RNF216: variants seen among roughly 807,000 people sequenced by gnomAD.
RNF216 encodes the protein ring finger protein 216.
RNF216 carries 72 observed loss-of-function variants against 110.8 expected under a neutral mutation model. The observed-to-expected ratio is 0.65, with a 90% CI of 0.54 to 0.79. The LOEUF is 0.79. Ranked by LOEUF, RNF216 falls within the 30% of genes least tolerant of loss-of-function variation. The pLI is 0.00. For synonymous variants in RNF216, 495 were observed against 407.5 expected (o/e 1.21, Z -2.59); for missense variants, 1,342 against 1,141.2 (o/e 1.18, Z -2.54).
intron 9 of RNF216, among the ~76,000 whole-genome samples, chr7:5,720,503 T>C (rs951103673): frequency 6.6e-6 from 1 of 152,176 alleles, no homozygotes; most frequent in Non-Finnish European, 1.5e-5. Flanking sequence ...CAGTGAAGTT[T>C]TGGGGCAGTC....
At position 5,741,185 on chromosome 7, in the gene RNF216, C is replaced by T. The variant is rs1562450421; in HGVS notation, c.832G>A (p.Glu278Lys). 6.2e-7 allele frequency: 1 copy of T among 1,614,112 alleles called. No individual in the cohort carries two copies. Among genetic ancestry groups the T allele is most frequent in the Non-Finnish European group, 8.5e-7 (1 of 1,180,024 alleles). The change falls in exon 4 of 17, where the codon GAA becomes AAA. Residue 278 changes from glutamate (E) to lysine (K), a missense_variant. By Grantham distance (56) the Glu-to-Lys change is moderately conservative. Transcript: ENST00000389902. The part of the protein sequence containing the change: ...EFPGPAFPRP[E>K]PQQGGISGPS... ...CCTGAAATCCCACCTTGCTGGGGTTCCGGCCTTGGAAAAGCGGGCCCTGGG... is the reference window on the plus strand; with the variant it reads ...CCTGAAATCCCACCTTGCTGGGGTTTCGGCCTTGGAAAAGCGGGCCCTGGG...
chr7:5,693,276 T>C (rs568729191), intron 13 of RNF216, among the ~76,000 whole-genome samples: 3 of 152,324 alleles, frequency 2.0e-5, no homozygotes, highest in Non-Finnish European at 4.4e-5. Flanking sequence ...AGATACCATA[T>C]GGTCCGCAAA....
At chr7:5,684,367 A>G (rs1346327418) in intron 13 of RNF216, among the ~76,000 whole-genome samples, 1 of 152,068 alleles carries the variant, frequency 6.6e-6, no homozygotes, top group Admixed American at 6.5e-5. Flanking sequence ...TTGGCCTCCC[A>G]AAGTCCTGGG....
At chr7:5,657,436 G>A (rs1225656948) in intron 13 of RNF216, among the ~76,000 whole-genome samples, 1 of 152,064 alleles carries the variant, frequency 6.6e-6, no homozygotes, top group African/African-American at 2.4e-5. Flanking sequence ...GCGTGGTGGC[G>A]CATGCCTATA....
At chr7:5,748,131 C>T (rs1030267491) in intron 3 of RNF216, among the ~76,000 whole-genome samples, 5 of 152,156 alleles carry the variant, frequency 3.3e-5, no homozygotes, top group Non-Finnish European at 5.9e-5. Flanking sequence ...AAACCCACTA[C>T]AACTCTTAAC....
At chr7:5,661,199 C>G (rs1789114962) in intron 13 of RNF216, among the ~76,000 whole-genome samples, 1 of 152,142 alleles carries the variant, frequency 6.6e-6, no homozygotes, top group African/African-American at 2.4e-5. Context: ...CTCGGCCTCC[C>G]AAAGTGCTGG....
rs1179469369 is a variant in RNF216 at position 5,620,057 on chromosome 7, CACAA to C, written c.*2799_*2802del. On this transcript the variant is annotated 3_prime_UTR_variant, in exon 17 of 17. Coordinates refer to ENST00000389902, the MANE Select transcript of RNF216 (RefSeq NM_207111.4). ...AGACGAAGCTGGAGGGAGCAGAGCG[CACAA>C]ACATTTATTTACAAAAGTCCCAGTT... 2 of 152,234 alleles carry C rather than the reference CACAA, an allele frequency of 1.3e-5. No individual in the cohort carries two copies. Among genetic ancestry groups the C allele is most frequent in the African/African-American group, 4.8e-5 (2 of 41,460 alleles). 9.4% of individuals were successfully genotyped at this position (152,234 alleles called of 1,614,324 possible). A position where few individuals can be genotyped will look rare whatever the true frequency, so the allele number is the denominator to read the frequency against.
At chr7:5,701,964 C>A (rs1033418184) in intron 13 of RNF216, among the ~76,000 whole-genome samples, 3 of 152,310 alleles carry the variant, frequency 2.0e-5, no homozygotes, top group Admixed American at 1.3e-4. Context: ...CCCAGGAAGG[C>A]AGCTCAGGAC....
chr7:5,647,189 G>A (rs1788101614), intron 14 of RNF216, among the ~76,000 whole-genome samples: 1 of 151,732 alleles, frequency 6.6e-6, no homozygotes, highest in African/African-American at 2.4e-5. Flanking sequence ...GTGGGAGATA[G>A]GAGTTTTTGG....
intron 13 of RNF216, among the ~76,000 whole-genome samples, chr7:5,654,140 A>T (rs184654980): frequency 1.3e-5 from 2 of 152,214 alleles, no homozygotes; most frequent in East Asian, 3.8e-4. Context: ...CACTCAGGAG[A>T]GAGGCCATGA....
chr7:5,712,194 TAC>T (rs1792746757), intron 12 of RNF216, among the ~76,000 whole-genome samples: 1 of 152,226 alleles, frequency 6.6e-6, no homozygotes, highest in Non-Finnish European at 1.5e-5. Flanking sequence ...AAGTTTGAGC[TAC>T]AGTCTGGGCG....
intron 1 of RNF216, among the ~76,000 whole-genome samples, chr7:5,772,525 T>C (rs1217854437): frequency 6.6e-6 from 1 of 152,050 alleles, no homozygotes; most frequent in Non-Finnish European, 1.5e-5. Flanking sequence ...AATCCTTTCC[T>C]TCCTCTCTGA....
chr7:5,667,289 G>A (rs1789592105), intron 13 of RNF216, among the ~76,000 whole-genome samples: 1 of 152,112 alleles, frequency 6.6e-6, no homozygotes, highest in Non-Finnish European at 1.5e-5. Context: ...TGAAGCTTAT[G>A]GTAATTTATA....
intron 14 of RNF216, among the ~76,000 whole-genome samples, chr7:5,647,119 GA>G (rs113731456): frequency 5.6e-4 from 80 of 143,668 alleles, no homozygotes; most frequent in East Asian, 8.0e-4. Flanking sequence ...TGTGAAAGGT[GA>G]AAAAAAAAAA....
At chr7:5,780,042 GA>G (rs1796995153) in intron 1 of RNF216, 1 of 152,200 alleles carries the variant, frequency 6.6e-6, no homozygotes, top group East Asian at 1.9e-4. Flanking sequence ...ACTATTGCAG[GA>G]AGATGGAGGA....
intron 13 of RNF216, among the ~76,000 whole-genome samples, chr7:5,698,371 T>A (rs1305123835): frequency 1.4e-5 from 2 of 145,680 alleles, no homozygotes; most frequent in Non-Finnish European, 3.0e-5. Flanking sequence ...GTGAGCTGTC[T>A]TAGATTCTTT....
intron 13 of RNF216, among the ~76,000 whole-genome samples, chr7:5,686,939 T>C (rs1332684959): frequency 2.6e-5 from 4 of 152,184 alleles, no homozygotes; most frequent in African/African-American, 7.2e-5. Context: ...CAGGTCGTAA[T>C]GCTCACTCAC....
intron 1 of RNF216, among the ~76,000 whole-genome samples, chr7:5,766,432 G>T (rs1185085342): frequency 1.3e-5 from 2 of 151,802 alleles, no homozygotes; most frequent in Non-Finnish European, 2.9e-5. Context: ...GGAGTCTGTG[G>T]GAGGTGATTA....
In RNF216 at chr7:5,623,061, A is replaced by G. The variant is rs1417637655; in HGVS notation, c.2571T>C (p.Tyr857=). 6.2e-7 allele frequency: 1 copy of G among 1,613,644 alleles called. No homozygotes were observed. The highest frequency in any genetic ancestry group is 8.5e-7 in the Non-Finnish European group (1 of 1,179,642). Residue 857 remains tyrosine, a synonymous_variant, in exon 17 of 17, where the codon TAT becomes TAC. Transcript: ENST00000389902. ...QNLPQPQMPP[Y]AFAHPPFPLP... ...GGGGGAAGGGTGGGTGCGCGAAGGCATAGGGTGGCATCTGTGGCTGTGGCA... is the reference window on the plus strand; with the variant it reads ...GGGGGAAGGGTGGGTGCGCGAAGGCGTAGGGTGGCATCTGTGGCTGTGGCA...
Sources: gnomAD v4.1 joint callset for allele counts (sites outside exome capture counted in the v4.1 genomes callset) on GRCh38, gnomAD v4.1.1 for gene constraint, MANE v1.5 for transcripts, NCBI Gene and HGNC (gene_info 2026-07-23, HGNC 2026-07-21) for gene names.